The following NKAIN3 variants were observed in gnomAD, a reference collection of about 807,000 sequenced individuals.
NKAIN3 encodes sodium/potassium-transporting ATPase subunit beta-1-interacting protein 3.
NKAIN3 carries 25 observed loss-of-function variants against 30.2 expected under a neutral mutation model. That is an observed-to-expected ratio of 0.83 (90% CI 0.60 to 1.16). The LOEUF is 1.16. Ranked by LOEUF, NKAIN3 falls within the 50% of genes most tolerant of loss-of-function variation. The probability of loss-of-function intolerance (pLI) is 0.00; values close to 1 mark genes in which losing one functional copy is unlikely to be tolerated. For synonymous variants in NKAIN3, 91 were observed against 89.6 expected (o/e 1.02, Z -0.09); for missense variants, 225 against 254.1 (o/e 0.89, Z 0.78).
chr8:62,651,311 T>G (rs962451458), intron 3 of NKAIN3, among the ~76,000 whole-genome samples: 1 of 152,184 alleles, frequency 6.6e-6, no homozygotes, highest in Non-Finnish European at 1.5e-5. Context: ...CACCTTATAT[T>G]ATTTGATTGC....
chr8:62,995,629 A>G (rs74703949), intron 5 of NKAIN3, among the ~76,000 whole-genome samples: 1,723 of 152,278 alleles, frequency 0.011, 31 homozygotes, highest in African/African-American at 0.04. Context: ...ACAAGGGGGA[A>G]GAAGGAAAGG....
chr8:62,786,008 C>T (rs1184956802), intron 4 of NKAIN3, among the ~76,000 whole-genome samples: 1 of 152,020 alleles, frequency 6.6e-6, no homozygotes, highest in African/African-American at 2.4e-5. Flanking sequence ...TGTCAGAGAG[C>T]AAATCATGCT....
intron 3 of NKAIN3, among the ~76,000 whole-genome samples, chr8:62,646,138 GA>G (rs75073790): frequency 0.042 from 4,841 of 116,138 alleles, 128 homozygotes; most frequent in East Asian, 0.14. Flanking sequence ...CCTCATTCTG[GA>G]AAAAAAAAAA....
At chr8:62,793,571 A>G (rs1817763698) in intron 4 of NKAIN3, among the ~76,000 whole-genome samples, 1 of 152,100 alleles carries the variant, frequency 6.6e-6, no homozygotes, top group Non-Finnish European at 1.5e-5. Flanking sequence ...ACTACCTATC[A>G]GTAGATCCAT....
intron 3 of NKAIN3, among the ~76,000 whole-genome samples, chr8:62,628,114 G>A (rs1811844769): frequency 6.6e-6 from 1 of 152,074 alleles, no homozygotes; most frequent in South Asian, 2.1e-4. Flanking sequence ...TTATTACACT[G>A]CTTCACAGAG....
At chr8:62,772,346 G>A (rs1817043840) in intron 4 of NKAIN3, among the ~76,000 whole-genome samples, 1 of 152,286 alleles carries the variant, frequency 6.6e-6, no homozygotes, top group Non-Finnish European at 1.5e-5. Context: ...CTTGGCTGTT[G>A]TGATTAGAGC....
At chr8:62,398,026 G>T (rs1304264323) in intron 1 of NKAIN3, among the ~76,000 whole-genome samples, 2 of 152,170 alleles carry the variant, frequency 1.3e-5, no homozygotes, top group African/African-American at 2.4e-5. Flanking sequence ...GGGTAAAACT[G>T]GTGGGAGAGG....
chr8:62,315,581 T>C (rs986858074), intron 1 of NKAIN3, among the ~76,000 whole-genome samples: 2 of 151,526 alleles, frequency 1.3e-5, no homozygotes, highest in East Asian at 3.9e-4. Context: ...ATTATTAGCT[T>C]TGGCAAAGCA....
rs1293072499 is a variant in NKAIN3, at chr8:62,965,695, GAA to G, written c.*292_*293del. 5.1e-6 allele frequency: 5 copies of G among 981,302 alleles called. No individual in the cohort carries two copies. The African/African-American group carries it at 8.8e-5, about 17-fold the overall frequency. 60.8% of individuals were successfully genotyped at this position (981,302 alleles called of 1,614,324 possible). The stretch of plus-strand genomic sequence containing the variant: ...ATATTTAATGTGAGGCATGCAAAAT[GAA>G]AAAGCAAATCTGTGAAAACCTTCTA... On this transcript the variant is annotated 3_prime_UTR_variant, in exon 7 of 7. Coordinates refer to ENST00000623646, the MANE Select transcript of NKAIN3 (RefSeq NM_001304533.3).
At chr8:62,438,852 T>G (rs1032937311) in intron 1 of NKAIN3, among the ~76,000 whole-genome samples, 5 of 152,116 alleles carry the variant, frequency 3.3e-5, no homozygotes, top group Non-Finnish European at 7.4e-5. Flanking sequence ...TGCGAGCCAC[T>G]GAGCCTGGCC....
At chr8:62,850,936 T>C (rs182987864) in intron 4 of NKAIN3, among the ~76,000 whole-genome samples, 3,951 of 151,958 alleles carry the variant, frequency 0.026, 166 homozygotes, top group African/African-American at 0.09. Context: ...CTTGGCTATG[T>C]GGGGTCTTTT....
At chr8:62,788,127 A>T (rs141283151) in intron 4 of NKAIN3, among the ~76,000 whole-genome samples, 1 of 152,060 alleles carries the variant, frequency 6.6e-6, no homozygotes, top group Non-Finnish European at 1.5e-5. Flanking sequence ...ACTTCCACAA[A>T]GGTTGAACTA....
intron 1 of NKAIN3, among the ~76,000 whole-genome samples, chr8:62,577,493 TG>T: frequency 6.6e-6 from 1 of 150,490 alleles, no homozygotes; most frequent in Non-Finnish European, 1.5e-5. Context: ...TTTTTTTGTT[TG>T]TTTTTCTGAA....
downstream of NKAIN3, among the ~76,000 whole-genome samples, chr8:62,986,164 A>G (rs1044389502): frequency 8.5e-5 from 13 of 152,152 alleles, no homozygotes; most frequent in African/African-American, 3.1e-4. Flanking sequence ...GTTTAAGAAG[A>G]ATGTGTATTT....
intron 1 of NKAIN3, among the ~76,000 whole-genome samples, chr8:62,300,156 T>A (rs1401604737): frequency 2.0e-5 from 3 of 152,032 alleles, no homozygotes; most frequent in Admixed American, 6.6e-5. Flanking sequence ...GTGGTGGTGG[T>A]TGGTGTGCAT....
intron 1 of NKAIN3, among the ~76,000 whole-genome samples, chr8:62,571,405 A>G (rs763638691): frequency 6.6e-6 from 1 of 152,090 alleles, no homozygotes; most frequent in Non-Finnish European, 1.5e-5. Flanking sequence ...TGCAGGGTAC[A>G]GCCTCCCTCC....
intron 1 of NKAIN3, among the ~76,000 whole-genome samples, chr8:62,524,487 A>G (rs1054261187): frequency 1.3e-5 from 2 of 152,140 alleles, no homozygotes; most frequent in Admixed American, 6.6e-5. Flanking sequence ...ATTGGCAGTA[A>G]TAACTAATTC....
chr8:62,363,459 C>T (rs1585724762), intron 1 of NKAIN3, among the ~76,000 whole-genome samples: 1 of 152,144 alleles, frequency 6.6e-6, no homozygotes, highest in Non-Finnish European at 1.5e-5. Context: ...CCTTTCTCCT[C>T]AACACACAGT....
rs1175724973 is a variant in NKAIN3, at chr8:62,976,500, T to C, written c.*11093T>C. On this transcript the variant is annotated 3_prime_UTR_variant, in exon 7 of 7. Transcript: ENST00000623646. ...AAGTCTGTTTTACCAGAGGCTAAGATTGCAACCCCTGCTTTTTTTTGCTTT... is the reference window on the plus strand; with the variant it reads ...AAGTCTGTTTTACCAGAGGCTAAGACTGCAACCCCTGCTTTTTTTTGCTTT... Among the ~76,000 whole-genome samples the C allele has an allele frequency of 6.6e-6, 1 of 152,184 alleles. No individual in the cohort carries two copies. Among genetic ancestry groups the C allele is most frequent in the Non-Finnish European group, 1.5e-5 (1 of 68,032 alleles).
Sources: gnomAD v4.1 joint callset for allele counts (sites outside exome capture counted in the v4.1 genomes callset) on GRCh38, gnomAD v4.1.1 for gene constraint, MANE v1.5 for transcripts, NCBI Gene and HGNC (gene_info 2026-07-23, HGNC 2026-07-21) for gene names.